SLC60A2: variants seen among roughly 807,000 people sequenced by gnomAD.
SLC60A2 encodes solute carrier family 60 member 2.
chr6:111,262,307 C>T, the SLC60A2 span: 5,494 of 1,614,062 alleles, frequency 3.4e-3, 28 homozygotes, highest in Non-Finnish European at 3.6e-3. Flanking sequence ...TGGCAACAAA[C>T]GTGAACCGAA....
the SLC60A2 span, among the ~76,000 whole-genome samples, chr6:111,273,257 C>T: frequency 6.6e-6 from 1 of 152,010 alleles, no homozygotes; most frequent in Non-Finnish European, 1.5e-5. Context: ...CTCAAGCAGT[C>T]CCCTGCCTCA....
chr6:111,264,511 C>T, the SLC60A2 span, among the ~76,000 whole-genome samples: 21 of 152,112 alleles, frequency 1.4e-4, no homozygotes, highest in African/African-American at 3.9e-4. Flanking sequence ...CTAAATAGGC[C>T]GGGTGCGGTG....
At chr6:111,271,438 A>C in the SLC60A2 span, among the ~76,000 whole-genome samples, 2 of 152,112 alleles carry the variant, frequency 1.3e-5, no homozygotes, top group Non-Finnish European at 2.9e-5. Flanking sequence ...ACATTTCTCA[A>C]ATTTCCTAAG....
chr6:111,273,171 G>A, the SLC60A2 span, among the ~76,000 whole-genome samples: 2 of 152,086 alleles, frequency 1.3e-5, no homozygotes, highest in East Asian at 3.9e-4. Flanking sequence ...TGTTTTTTGA[G>A]TTAGGGTCTT....
the SLC60A2 span, among the ~76,000 whole-genome samples, chr6:111,275,191 G>A: frequency 4.5e-4 from 68 of 151,686 alleles, no homozygotes; most frequent in African/African-American, 1.6e-3. Flanking sequence ...ACAGGTGTAA[G>A]CCACGATACC....
chr6:111,264,235 A>G, the SLC60A2 span, among the ~76,000 whole-genome samples: 1 of 152,222 alleles, frequency 6.6e-6, no homozygotes, highest in African/African-American at 2.4e-5. Context: ...ATTACAGTGC[A>G]GGTGAATAGG....
chr6:111,276,948 C>T, the SLC60A2 span, among the ~76,000 whole-genome samples: 1 of 151,940 alleles, frequency 6.6e-6, no homozygotes, highest in Non-Finnish European at 1.5e-5. Context: ...CTGTGTATCT[C>T]TGGTCCAGAT....
the SLC60A2 span, chr6:111,267,325 GA>G: frequency 2.0e-6 from 1 of 508,364 alleles, no homozygotes; most frequent in Non-Finnish European, 3.5e-6. Flanking sequence ...CGTACAATAG[GA>G]TCTTGTTATA....
At chr6:111,259,444 C>T in the SLC60A2 span, 24 of 414,306 alleles carry the variant, frequency 5.8e-5, 1 homozygote, top group Non-Finnish European at 9.4e-5. Flanking sequence ...GAGGGACACC[C>T]GTGCCTGGGG....
the SLC60A2 span, chr6:111,268,707 G>A: frequency 2.0e-5 from 3 of 152,112 alleles, no homozygotes; most frequent in Admixed American, 6.5e-5. Flanking sequence ...TAATCATATC[G>A]TAGTTACCGT....
At chr6:111,260,240 G>A in the SLC60A2 span, among the ~76,000 whole-genome samples, 1 of 152,158 alleles carries the variant, frequency 6.6e-6, no homozygotes, top group Non-Finnish European at 1.5e-5. Context: ...TCCTTCGTCG[G>A]ATGGGAAGGT....
the SLC60A2 span, chr6:111,277,848 A>G: frequency 6.6e-6 from 1 of 152,230 alleles, no homozygotes; most frequent in African/African-American, 2.4e-5. Context: ...GAAGCCTACA[A>G]CAAAGGAATC....
the SLC60A2 span, chr6:111,262,538 G>A: frequency 1.2e-5 from 11 of 946,572 alleles, no homozygotes; most frequent in Non-Finnish European, 1.8e-5. Flanking sequence ...AATGGGTAGT[G>A]TTTAGGTGTC....
the SLC60A2 span, chr6:111,268,633 A>G: frequency 1.3e-5 from 2 of 152,194 alleles, no homozygotes; most frequent in South Asian, 2.1e-4. Context: ...TCCTTTGCCT[A>G]CCTCAGTAAC....
the SLC60A2 span, chr6:111,265,898 T>C: frequency 6.2e-7 from 1 of 1,611,152 alleles, no homozygotes; most frequent in Non-Finnish European, 8.5e-7. Context: ...TTATCTTGGC[T>C]ATTTGGGGGG....
the SLC60A2 span, chr6:111,266,174 T>G: frequency 1.2e-6 from 2 of 1,612,860 alleles, no homozygotes; most frequent in South Asian, 1.1e-5. Context: ...TTTGTCTGTT[T>G]TTAAAGAATA....
the SLC60A2 span, chr6:111,270,867 A>C: frequency 1.3e-5 from 2 of 151,948 alleles, no homozygotes; most frequent in Non-Finnish European, 2.9e-5. Context: ...AAAATATTCA[A>C]CTATGAGCTG....
the SLC60A2 span, among the ~76,000 whole-genome samples, chr6:111,272,859 T>C: frequency 6.6e-6 from 1 of 152,018 alleles, no homozygotes; most frequent in Non-Finnish European, 1.5e-5. Context: ...AGACAGAGTC[T>C]TGCTCTTGTC....
the SLC60A2 span, among the ~76,000 whole-genome samples, chr6:111,264,470 C>A: frequency 6.6e-6 from 1 of 151,952 alleles, no homozygotes; most frequent in Non-Finnish European, 1.5e-5. Context: ...TAGATTCTTT[C>A]CCGTATCATC....
Sources: allele counts gnomAD v4.1 joint callset (sites outside exome capture counted in the v4.1 genomes callset), GRCh38; gene constraint gnomAD v4.1.1; transcripts MANE v1.5; gene names NCBI Gene and HGNC (gene_info 2026-07-23, HGNC 2026-07-21).